Variants in ARHGAP26 observed in about 807,000 individuals in gnomAD.
ARHGAP26 encodes the protein Rho GTPase activating protein 26.
Under a neutral mutation model 104.8 loss-of-function variants are expected in ARHGAP26, and 38 were observed. The ratio of observed to expected loss-of-function variants is 0.36; its 90% CI spans 0.28 to 0.48. The LOEUF (loss-of-function observed/expected upper bound fraction) is 0.48, where lower values mean the gene tolerates loss of function less well. ARHGAP26 is among the 20% of genes least tolerant of loss of function. The probability of loss-of-function intolerance (pLI) is 0.99; values close to 1 mark genes in which losing one functional copy is unlikely to be tolerated. For missense variants in ARHGAP26, 704 were observed against 947.9 expected, an observed-to-expected ratio of 0.74 and a Z score of 3.38; for synonymous variants, 341 against 340.0, an observed-to-expected ratio of 1.00 and a Z score of -0.03.
intron 20 of ARHGAP26, among the ~76,000 whole-genome samples, chr5:143,176,345 A>C (rs530410068): frequency 2.0e-5 from 3 of 152,166 alleles, no homozygotes; most frequent in Non-Finnish European, 4.4e-5. Flanking sequence ...CACTTCTTAG[A>C]TGGTAGGAAT....
intron 17 of ARHGAP26, among the ~76,000 whole-genome samples, chr5:143,095,600 T>TC (rs1223345940): frequency 6.6e-5 from 10 of 152,360 alleles, no homozygotes; most frequent in African/African-American, 2.4e-4. Context: ...AATCATATCT[T>TC]CTTTTTTTCT....
chr5:142,938,498 C>T (rs1251409660), intron 11 of ARHGAP26, among the ~76,000 whole-genome samples: 2 of 152,218 alleles, frequency 1.3e-5, no homozygotes, highest in Admixed American at 6.5e-5. Flanking sequence ...ATTTTAGAGA[C>T]AGCAGAGTTT....
intron 14 of ARHGAP26, among the ~76,000 whole-genome samples, chr5:143,050,879 C>T (rs1784916259): frequency 6.6e-6 from 1 of 152,188 alleles, no homozygotes; most frequent in Non-Finnish European, 1.5e-5. Context: ...GATGGAAGCT[C>T]ACCTCCTCTG....
At chr5:143,214,979 C>T (rs1044875945) in intron 22 of ARHGAP26, among the ~76,000 whole-genome samples, 1 of 152,266 alleles carries the variant, frequency 6.6e-6, no homozygotes, top group Non-Finnish European at 1.5e-5. Context: ...AGCCACCTCT[C>T]CTGTCCACAG....
chr5:142,842,940 C>A (rs184867728), intron 1 of ARHGAP26, among the ~76,000 whole-genome samples: 1 of 152,290 alleles, frequency 6.6e-6, no homozygotes, highest in East Asian at 1.9e-4. Context: ...TGAAGAATCA[C>A]ATCAGTTAGA....
rs1811721129 is a variant in ARHGAP26, at chr5:143,226,883, C to G, written c.*4437C>G. On this transcript the variant is annotated 3_prime_UTR_variant, in exon 23 of 23. Transcript: ENST00000645722. ...GACAAGGGCATCCCAAGGCACTTGC[C>G]CAGAGCTGCAGAGTTGTGTGTGCCA... 1 of 226,256 alleles carries G rather than the reference C, an allele frequency of 4.4e-6. No individual in the cohort carries two copies. Among genetic ancestry groups the G allele is most frequent in the Non-Finnish European group, 8.8e-6 (1 of 113,820 alleles). The allele number at this position is 226,256 out of a possible 1,614,324, so 14.0% of individuals were successfully genotyped here.
intron 1 of ARHGAP26, among the ~76,000 whole-genome samples, chr5:142,776,528 T>A (rs1372361492): frequency 4.6e-5 from 7 of 152,240 alleles, no homozygotes. Context: ...CTTCTTTCAC[T>A]AAGCATGCTG....
In ARHGAP26 at chr5:143,180,501, C is replaced by T. The variant is rs558885447; in HGVS notation, c.1989-26697C>T. Among the ~76,000 whole-genome samples, 9 of 152,264 alleles carry T rather than the reference C, an allele frequency of 5.9e-5. No homozygotes were observed. In the South Asian group the frequency reaches 1.9e-3, roughly 32 times the overall value. On this transcript the variant is annotated intron_variant, in intron 20 of 22. Coordinates refer to ENST00000645722, the MANE Select transcript of ARHGAP26 (RefSeq NM_001135608.3). ...ATATCTGTGTTGGTGCATTTTGTCA[C>T]TGCTATAAAGAAATACCTGAGACTG...
At position 142,770,744 on chromosome 5, in the gene ARHGAP26, C is replaced by T; in HGVS notation, c.-18C>T. 7.4e-7 allele frequency: 1 copy of T among 1,346,942 alleles called. No homozygotes were observed. The highest frequency in any genetic ancestry group is 2.0e-5 in the South Asian group (1 of 50,566). 83.4% of individuals were successfully genotyped at this position (1,346,942 alleles called of 1,614,324 possible). Reference sequence around the variant, plus strand: ...GCCCCGGCGGAGGCGCGCCCCCCGGCTGGGCGCCGCGCGCACCATGGGGCT... The same window carrying T: ...GCCCCGGCGGAGGCGCGCCCCCCGGTTGGGCGCCGCGCGCACCATGGGGCT... On this transcript the variant is annotated 5_prime_UTR_variant, in exon 1 of 23. Coordinates refer to ENST00000645722, the MANE Select transcript of ARHGAP26 (RefSeq NM_001135608.3).
intron 20 of ARHGAP26, among the ~76,000 whole-genome samples, chr5:143,151,656 A>G (rs745761762): frequency 2.0e-5 from 3 of 152,210 alleles, no homozygotes; most frequent in Non-Finnish European, 4.4e-5. Flanking sequence ...CATATTGCTG[A>G]GTAAAAGAAG....
chr5:143,019,637 G>A (rs916541849), intron 12 of ARHGAP26, among the ~76,000 whole-genome samples: 2 of 152,228 alleles, frequency 1.3e-5, no homozygotes, highest in African/African-American at 4.8e-5. Flanking sequence ...TTAGAAAGCC[G>A]AGAACTTGTC....
intron 13 of ARHGAP26, 29 bp from the exon 14 acceptor site, chr5:143,041,787 A>G: frequency 6.3e-7 from 1 of 1,578,724 alleles, no homozygotes; most frequent in Non-Finnish European, 8.7e-7. Flanking sequence ...ACGTGCCTCT[A>G]ATTAAATCAT....
intron 21 of ARHGAP26, among the ~76,000 whole-genome samples, chr5:143,212,147 C>T (rs981402835): frequency 6.6e-6 from 1 of 152,134 alleles, no homozygotes; most frequent in Non-Finnish European, 1.5e-5. Flanking sequence ...TTGCTTTTTA[C>T]CCACCTGCTC....
At chr5:143,016,414 T>C (rs1413334239) in intron 12 of ARHGAP26, among the ~76,000 whole-genome samples, 1 of 152,086 alleles carries the variant, frequency 6.6e-6, no homozygotes, top group Non-Finnish European at 1.5e-5. Flanking sequence ...TTAAAAAAAT[T>C]GGTCACTTTT....
chr5:143,109,040 A>G (rs1265450454), intron 17 of ARHGAP26, among the ~76,000 whole-genome samples: 2 of 152,230 alleles, frequency 1.3e-5, no homozygotes, highest in East Asian at 3.8e-4. Context: ...ATCTGGTTTC[A>G]GAAGACTGCT....
chr5:143,000,824 C>G (rs1365865814), intron 11 of ARHGAP26, among the ~76,000 whole-genome samples: 1 of 152,124 alleles, frequency 6.6e-6, no homozygotes, highest in Non-Finnish European at 1.5e-5. Flanking sequence ...GGGAGTTGAA[C>G]AGTGAGAACA....
At chr5:143,168,821 A>G (rs908405337) in intron 20 of ARHGAP26, 1 of 152,212 alleles carries the variant, frequency 6.6e-6, no homozygotes, top group African/African-American at 2.4e-5. Flanking sequence ...ATAGATAGTG[A>G]TCACGTAGAC....
At chr5:143,161,654 G>T (rs1801255378) in intron 20 of ARHGAP26, among the ~76,000 whole-genome samples, 1 of 152,084 alleles carries the variant, frequency 6.6e-6, no homozygotes, top group African/African-American at 2.4e-5. Context: ...ACCCATATTT[G>T]TCACCATCCC....
chr5:143,038,974 A>G (rs1192573337), intron 13 of ARHGAP26, among the ~76,000 whole-genome samples: 2 of 152,062 alleles, frequency 1.3e-5, no homozygotes, highest in South Asian at 2.1e-4. Context: ...GATTACAGAC[A>G]TATGGCATTT....
Sources: gnomAD v4.1 joint callset for allele counts (sites outside exome capture counted in the v4.1 genomes callset) on GRCh38, gnomAD v4.1.1 for gene constraint, MANE v1.5 for transcripts, NCBI Gene and HGNC (gene_info 2026-07-23, HGNC 2026-07-21) for gene names.